Variants in FADS6 observed in about 807,000 individuals in gnomAD.
FADS6 encodes fatty acid desaturase 6, also known as fatty acid desaturase domain family, member 6.
FADS6 carries 28 observed loss-of-function variants against 31.7 expected under a neutral mutation model. That is an observed-to-expected ratio of 0.88 (90% confidence interval 0.66 to 1.21). The LOEUF is 1.21. Among genes scored for constraint, FADS6 ranks in the 50% most tolerant of loss-of-function variants. FADS6 has a pLI of 0.00. For missense variants in FADS6, 494 were observed against 504.2 expected, an observed-to-expected ratio of 0.98 and a Z score of 0.19; for synonymous variants, 191 against 213.1, an observed-to-expected ratio of 0.90 and a Z score of 0.90.
chr17:74,892,709 A>G lies in FADS6; in HGVS notation c.245-20T>C, dbSNP rs489152. ...GGAAGCCTGCGTGGAGAGGAGGAAGAAGACGGGTCTTTCTCTAGCTCTGGG... is the reference window on the plus strand; with the variant it reads ...GGAAGCCTGCGTGGAGAGGAGGAAGGAGACGGGTCTTTCTCTAGCTCTGGG... On this transcript the variant is annotated intron_variant, in intron 1 of 5. Transcript: ENST00000612771. 0.059 allele frequency: 94,183 copies of G among 1,600,214 alleles called. 4,251 individuals are homozygous for G. The highest frequency in any genetic ancestry group is 0.23 in the African/African-American group (17,270 of 74,724).
At chr17:74,879,038 C>CTTTT (rs35990330) in intron 5 of FADS6, 4 of 129,848 alleles carry the variant, frequency 3.1e-5, no homozygotes, top group Admixed American at 8.2e-5. Context: ...CCCTCACCAC[C>CTTTT]TTTTTTTTTT....
Position 74,878,275 on chromosome 17 carries a change from A to G in FADS6, c.*56T>C. The G allele has an allele frequency of 6.4e-7, 1 of 1,552,948 alleles. No homozygotes were observed. The highest frequency in any genetic ancestry group is 8.7e-7 in the Non-Finnish European group (1 of 1,148,998). ...CCACACCCCCTGGACCAGCAGCAGC[A>G]GGAGGGCCAGGGCCAGGCCAGGGAG... On this transcript the variant is annotated 3_prime_UTR_variant, in exon 6 of 6. Coordinates refer to ENST00000612771, the MANE Select transcript of FADS6 (RefSeq NM_178128.6).
chr17:74,889,608 G>A (rs1029093291), intron 2 of FADS6, among the ~76,000 whole-genome samples: 19 of 151,706 alleles, frequency 1.3e-4, no homozygotes, highest in Middle Eastern at 3.4e-3. Flanking sequence ...GCTCACGCCT[G>A]TAATCCCAGC....
chr17:74,879,813 C>T (rs1567924685), intron 4 of FADS6, among the ~76,000 whole-genome samples: 1 of 152,202 alleles, frequency 6.6e-6, no homozygotes, highest in Non-Finnish European at 1.5e-5. Flanking sequence ...GGGGCTTAGC[C>T]TGCACACCTC....
chr17:74,889,427 G>A lies in FADS6; in HGVS notation c.411+3096C>T, dbSNP rs2038664247. Among the ~76,000 whole-genome samples, 3 of 152,078 alleles carry A rather than the reference G, an allele frequency of 2.0e-5. No homozygotes were observed. The South Asian group carries it at 6.2e-4, about 32-fold the overall frequency. ...GAAGGGTCTTGGGGCATCCTCTGAG[G>A]TCCTAGGCATCAAGAACGTGTCCTC... On this transcript the variant is annotated intron_variant, in intron 2 of 5. Coordinates refer to ENST00000612771, the MANE Select transcript of FADS6 (RefSeq NM_178128.6).
In FADS6 at chr17:74,878,334, C is replaced by T. The variant is rs947744705; in HGVS notation, c.1104G>A (p.Leu368=). The T allele has an allele frequency of 6.2e-7, 1 of 1,613,126 alleles. No individual in the cohort carries two copies. The highest frequency in any genetic ancestry group is 1.3e-5 in the African/African-American group (1 of 75,050). Reference sequence around the variant, plus strand: ...TGGCTGCACCGGCCCGGCCTCATTACAGCCCCACAAGCTCAGTGATGGGTG... The same window carrying T: ...TGGCTGCACCGGCCCGGCCTCATTATAGCCCCACAAGCTCAGTGATGGGTG... The part of the protein sequence containing the change: ...QAPPITELVG[L] The change falls in exon 6 of 6, where the codon CTG becomes CTA. Residue 368 remains leucine, a synonymous_variant. Coordinates refer to ENST00000612771, the MANE Select transcript of FADS6 (RefSeq NM_178128.6).
intron 4 of FADS6, among the ~76,000 whole-genome samples, chr17:74,880,030 C>T (rs1209707972): frequency 6.6e-6 from 1 of 152,182 alleles, no homozygotes. Flanking sequence ...CAGACATGAC[C>T]AGGAGCTTCG....
downstream of FADS6, among the ~76,000 whole-genome samples, chr17:74,875,829 G>A (rs2038503876): frequency 6.6e-6 from 1 of 152,212 alleles, no homozygotes; most frequent in African/African-American, 2.4e-5. Context: ...AGGGCTGCCT[G>A]GATCCAAAAC....
chr17:74,883,009 C>G (rs2038589171), intron 2 of FADS6: 5 of 556,038 alleles, frequency 9.0e-6, no homozygotes, highest in Non-Finnish European at 1.6e-5. Context: ...CAATGAGTCT[C>G]AGAGTCTGTC....
At chr17:74,879,922 C>T (rs2038549583) in intron 4 of FADS6, among the ~76,000 whole-genome samples, 1 of 152,200 alleles carries the variant, frequency 6.6e-6, no homozygotes, top group South Asian at 2.1e-4. Context: ...CTGCTCTGTT[C>T]ACCAGTCAAG....
chr17:74,879,010 C>A, intron 5 of FADS6: 2 of 202,062 alleles, frequency 9.9e-6, no homozygotes, highest in Non-Finnish European at 2.0e-5. Flanking sequence ...TCAGGTGAAC[C>A]CTGAAGTTTC....
At chr17:74,893,257 C>G in intron 1 of FADS6, 95 bp downstream of exon 1, 2 of 1,350,160 alleles carry the variant, frequency 1.5e-6, no homozygotes, top group Non-Finnish European at 9.7e-7. Flanking sequence ...GGCTGCACTC[C>G]CACGGCTGCT....
intron 2 of FADS6, among the ~76,000 whole-genome samples, chr17:74,887,816 G>C: frequency 6.6e-6 from 1 of 152,200 alleles, no homozygotes; most frequent in Non-Finnish European, 1.5e-5. Context: ...CTCCTGAGTA[G>C]CTGGGACTAC....
In FADS6 at chr17:74,892,498, T is replaced by C. The variant is rs373657624; in HGVS notation, c.411+25A>G. 9.4e-5 allele frequency: 151 copies of C among 1,604,114 alleles called. 3 individuals are homozygous for C. In the African/African-American group the frequency reaches 1.5e-3, roughly 15 times the overall value. On this transcript the variant is annotated intron_variant, in intron 2 of 5. Transcript: ENST00000612771. ...CTGCCACACGGTCCCAGCAGCTGCC[T>C]GCATCCTCCTTCTCCCAGGCTCACC...
chr17:74,888,095 A>T (rs1363937639), intron 2 of FADS6, among the ~76,000 whole-genome samples: 1 of 150,742 alleles, frequency 6.6e-6, no homozygotes, highest in Non-Finnish European at 1.5e-5. Context: ...CCCAGCATCT[A>T]CTGGAGCATG....
chr17:74,882,492 A>G, intron 3 of FADS6, 38 bp downstream of exon 3: 2 of 1,576,434 alleles, frequency 1.3e-6, no homozygotes, highest in East Asian at 2.3e-5. Flanking sequence ...AACTAGGTCC[A>G]TGCAGGACAC....
intron 3 of FADS6, 67 bp from the exon 4 acceptor site, chr17:74,881,322 G>A (rs763290431): frequency 7.2e-5 from 105 of 1,453,032 alleles, no homozygotes; most frequent in African/African-American, 2.4e-4. Flanking sequence ...TGGCTCAAGC[G>A]TGCTAAAGCA....
intron 2 of FADS6, among the ~76,000 whole-genome samples, chr17:74,886,269 A>T (rs1281862432): frequency 1.4e-5 from 2 of 147,344 alleles, no homozygotes; most frequent in Non-Finnish European, 3.0e-5. Context: ...GTTCAAGACC[A>T]GCCTGGCCAA....
chr17:74,879,563 G>T lies in FADS6; in HGVS notation c.801C>A (p.Phe267Leu). The T allele has an allele frequency of 6.2e-7, 1 of 1,612,758 alleles. No homozygotes were observed. Among genetic ancestry groups the T allele is most frequent in the Non-Finnish European group, 8.5e-7 (1 of 1,179,744 alleles). Residue 267 changes from phenylalanine (F) to leucine (L), a missense_variant, in exon 5 of 6, where the codon TTC (phenylalanine) becomes TTA (leucine). This residue lies in a region of FADS6 where 454 missense variants were observed against 438.5 expected (regional missense o/e 1.04). Transcript: ENST00000612771. ...TCCGACGGGGCTTGTTGTCCCGGGA[G>T]AACATGGGCAGTCCGATGTGCTGTG... ...NIFQHIGLPM[F>L]SRDNKPRRIH...
Sources: allele counts gnomAD v4.1 joint callset (sites outside exome capture counted in the v4.1 genomes callset), GRCh38; gene constraint gnomAD v4.1.1; regional missense constraint gnomAD v4.1.1; transcripts MANE v1.5; gene names NCBI Gene and HGNC (gene_info 2026-07-23, HGNC 2026-07-21).